Variants in KTN1 observed in about 807,000 individuals in gnomAD.
The protein encoded by KTN1 is kinectin 1.
In KTN1, 130 loss-of-function variants were observed where a neutral mutation model predicts 222.5. The ratio of observed to expected loss-of-function variants is 0.58; its 90% CI spans 0.51 to 0.68. The LOEUF (loss-of-function observed/expected upper bound fraction) is 0.68. Ranked by LOEUF, KTN1 falls within the 30% of genes least tolerant of loss-of-function variation. The pLI is 0.00. For synonymous variants in KTN1, 512 were observed against 496.3 expected, an observed-to-expected ratio of 1.03 and a Z score of -0.42; for missense variants, 1,508 against 1,500.4, an observed-to-expected ratio of 1.01 and a Z score of -0.08.
intron 42 of KTN1, chr14:55,678,884 C>G (rs2046122264): frequency 6.1e-6 from 1 of 164,184 alleles, no homozygotes; most frequent in Admixed American, 6.0e-5. Flanking sequence ...CATCCTGAAA[C>G]CATCCCCGCA....
At chr14:55,641,018 T>TAAAC in intron 16 of KTN1, 48 bp downstream of exon 16, 1 of 1,537,532 alleles carries the variant, frequency 6.5e-7, no homozygotes, top group Non-Finnish European at 9.0e-7. Flanking sequence ...TATGTTTAAT[T>TAAAC]ATAATTGTTG....
At chr14:55,631,340 T>TGAGATA (rs1297833709) in intron 7 of KTN1, among the ~76,000 whole-genome samples, 42 of 52,976 alleles carry the variant, frequency 7.9e-4, no homozygotes, top group Non-Finnish European at 1.2e-3. Flanking sequence ...TTGATAAGGT[T>TGAGATA]GATATATATA....
intron 37 of KTN1, 100 bp downstream of exon 37, chr14:55,671,977 C>G: frequency 4.2e-6 from 3 of 706,230 alleles, no homozygotes; most frequent in South Asian, 3.6e-5. Flanking sequence ...CCCAACCCAG[C>G]TACCAAATCC....
intron 12 of KTN1, among the ~76,000 whole-genome samples, chr14:55,638,763 G>T (rs1010212998): frequency 1.1e-4 from 17 of 151,908 alleles, no homozygotes; most frequent in African/African-American, 3.1e-4. Flanking sequence ...CATAGAGAAT[G>T]CTGTAAGAAT....
rs1333318366 is a variant in KTN1, at chr14:55,648,860, A to G, written c.2357A>G (p.Gln786Arg). 6.3e-7 allele frequency: 1 copy of G among 1,585,716 alleles called. No homozygotes were observed. The highest frequency in any genetic ancestry group is 8.7e-7 in the Non-Finnish European group (1 of 1,156,054). The change falls in exon 21 of 44, where the codon CAA (glutamine) becomes CGA (arginine). Residue 786 changes from glutamine to arginine, a missense_variant. By Grantham distance (43) the Gln-to-Arg change is conservative. Transcript: ENST00000395314. ...GAAGTTCAAGACTTAAAAGCTAAGC[A>G]AAATGATCAGGTAATGTAAATTTTT... is the stretch of plus-strand genomic sequence containing the variant. ...TKEVQDLKAKQNDQVSFASLV... is the reference protein window; with the variant it reads ...TKEVQDLKAKRNDQVSFASLV...
intron 18 of KTN1, chr14:55,644,509 C>A: frequency 3.2e-6 from 2 of 626,234 alleles, no homozygotes; most frequent in South Asian, 3.5e-5. Flanking sequence ...TGCAGATGGT[C>A]AGATAATGCA....
At chr14:55,610,604 A>G (rs1272624203) in intron 1 of KTN1, among the ~76,000 whole-genome samples, 1 of 152,272 alleles carries the variant, frequency 6.6e-6, no homozygotes, top group East Asian at 1.9e-4. Context: ...ATTTATTTTT[A>G]CATTAAAAGT....
At chr14:55,637,098 C>A in intron 10 of KTN1, 100 bp from the exon 11 acceptor site, 2 of 805,328 alleles carry the variant, frequency 2.5e-6, no homozygotes, top group Non-Finnish European at 3.8e-6. Flanking sequence ...AGGAGAGATT[C>A]AAAGAAGGTT....
chr14:55,600,832 C>G (rs2035867706), intron 1 of KTN1, among the ~76,000 whole-genome samples: 1 of 151,372 alleles, frequency 6.6e-6, no homozygotes, highest in Non-Finnish European at 1.5e-5. Context: ...AAAGTTATTA[C>G]TTTTTTGGTA....
intron 2 of KTN1, among the ~76,000 whole-genome samples, chr14:55,612,939 A>C (rs1480649240): frequency 6.6e-6 from 1 of 152,034 alleles, no homozygotes; most frequent in Non-Finnish European, 1.5e-5. Flanking sequence ...TAAATATCCA[A>C]CTTTGGCTAT....
Position 55,621,346 on chromosome 14 carries a change from C to T in KTN1, c.963+2034C>T, listed in dbSNP as rs543555732. ...AGTTGTAAAGTCACATCCACATTTT[C>T]GGGTATCTTTACAGCAGTTCCTCAC... On this transcript the variant is annotated intron_variant, in intron 5 of 43. Coordinates refer to ENST00000395314, the MANE Select transcript of KTN1 (RefSeq NM_001079521.2). Among the ~76,000 whole-genome samples, 20 of 152,248 alleles carry T rather than the reference C, an allele frequency of 1.3e-4. No homozygotes were observed. The East Asian group carries it at 2.9e-3, about 22-fold the overall frequency.
At chr14:55,655,950 T>G in intron 28 of KTN1, 92 bp from the exon 29 acceptor site, 1 of 657,636 alleles carries the variant, frequency 1.5e-6, no homozygotes, top group Non-Finnish European at 2.6e-6. Context: ...TATGTATTGT[T>G]TCTGCCATCT....
intron 1 of KTN1, among the ~76,000 whole-genome samples, chr14:55,610,334 C>A (rs989471815): frequency 6.6e-6 from 1 of 151,656 alleles, no homozygotes; most frequent in African/African-American, 2.4e-5. Context: ...CCAGCAAATA[C>A]GTATTTTCAG....
At chr14:55,644,396 AGTT>A in intron 18 of KTN1, 1 of 702,504 alleles carries the variant, frequency 1.4e-6, no homozygotes, top group Admixed American at 2.0e-5. Context: ...AATGGTGCCA[AGTT>A]GTTGTTTCTT....
chr14:55,653,530 A>T, intron 27 of KTN1, 29 bp from the exon 28 acceptor site: 1 of 1,584,032 alleles, frequency 6.3e-7, no homozygotes, highest in Non-Finnish European at 8.7e-7. Flanking sequence ...TAATGCTAAC[A>T]GCATTAAAAA....
chr14:55,628,956 A>G (rs2140891176), intron 6 of KTN1, among the ~76,000 whole-genome samples: 1 of 152,358 alleles, frequency 6.6e-6, no homozygotes, highest in Non-Finnish European at 1.5e-5. Flanking sequence ...TAAATTATGT[A>G]ATATCTCAAA....
chr14:55,682,098 AGTT>A (rs937768166), intron 43 of KTN1: 22 of 152,310 alleles, frequency 1.4e-4, no homozygotes, highest in African/African-American at 3.1e-4. Flanking sequence ...ATAAAGGGAG[AGTT>A]GTTTTTAAAA....
At chr14:55,608,712 C>A (rs549272272) in intron 1 of KTN1, among the ~76,000 whole-genome samples, 17 of 151,862 alleles carry the variant, frequency 1.1e-4, no homozygotes, top group African/African-American at 4.1e-4. Flanking sequence ...TCACTGCAAC[C>A]TCTGCCTCCT....
chr14:55,635,100 T>TA (rs1485270016), intron 9 of KTN1, among the ~76,000 whole-genome samples: 7 of 152,106 alleles, frequency 4.6e-5, no homozygotes, highest in Non-Finnish European at 7.4e-5. Flanking sequence ...TTTGATGACT[T>TA]AAATGTGTAT....
Sources: allele counts gnomAD v4.1 joint callset (sites outside exome capture counted in the v4.1 genomes callset), GRCh38; gene constraint gnomAD v4.1.1; transcripts MANE v1.5; gene names NCBI Gene and HGNC (gene_info 2026-07-23, HGNC 2026-07-21).